The following HECW2 variants were observed in gnomAD, a reference collection of about 807,000 sequenced individuals.
The protein encoded by HECW2 is HECT, C2 and WW domain containing E3 ubiquitin protein ligase 2.
Under a neutral mutation model 175.2 loss-of-function variants are expected in HECW2, and 61 were observed. That is an observed-to-expected ratio of 0.35 (90% CI 0.28 to 0.43). The LOEUF (loss-of-function observed/expected upper bound fraction) is 0.43, where lower values mean the gene tolerates loss of function less well. HECW2 is among the 20% of genes least tolerant of loss of function. The pLI is 1.00. For synonymous variants in HECW2, 671 were observed against 731.0 expected, an observed-to-expected ratio of 0.92 and a Z score of 1.32; for missense variants, 1,524 against 2,000.5, an observed-to-expected ratio of 0.76 and a Z score of 4.54.
intron 2 of HECW2, among the ~76,000 whole-genome samples, chr2:196,353,853 A>G (rs974390513): frequency 1.3e-5 from 2 of 152,180 alleles, no homozygotes; most frequent in African/African-American, 4.8e-5. Flanking sequence ...ACTGGCAGAG[A>G]CAACCTGACT....
intron 19 of HECW2, among the ~76,000 whole-genome samples, chr2:196,247,567 C>G (rs914224739): frequency 6.6e-6 from 1 of 152,148 alleles, no homozygotes; most frequent in Admixed American, 6.5e-5. Context: ...TTTGCTAATA[C>G]TGTGCAGGAA....
chr2:196,470,984 C>T (rs537652962), intron 1 of HECW2, among the ~76,000 whole-genome samples: 2 of 148,708 alleles, frequency 1.3e-5, no homozygotes, highest in South Asian at 4.3e-4. Context: ...AGCCACAATG[C>T]GATATTATTT....
At chr2:196,266,565 C>T (rs901406043) in intron 17 of HECW2, among the ~76,000 whole-genome samples, 1 of 152,096 alleles carries the variant, frequency 6.6e-6, no homozygotes, top group Non-Finnish European at 1.5e-5. Context: ...CAGGAAAATG[C>T]ATATGGATCA....
chr2:196,390,600 T>C (rs1694477280), intron 2 of HECW2, among the ~76,000 whole-genome samples: 1 of 152,164 alleles, frequency 6.6e-6, no homozygotes, highest in African/African-American at 2.4e-5. Flanking sequence ...CATAATGTGG[T>C]AGAGAAAGTA....
chr2:196,389,946 A>C (rs1694458146), intron 2 of HECW2, among the ~76,000 whole-genome samples: 1 of 152,132 alleles, frequency 6.6e-6, no homozygotes, highest in African/African-American at 2.4e-5. Context: ...ACTCATGCTA[A>C]GCTTCCACAG....
At chr2:196,555,058 C>A (rs1559173507) in intron 1 of HECW2, among the ~76,000 whole-genome samples, 1 of 152,026 alleles carries the variant, frequency 6.6e-6, no homozygotes, top group Non-Finnish European at 1.5e-5. Flanking sequence ...AATACAGACA[C>A]TGAGAATAAG....
intron 1 of HECW2, among the ~76,000 whole-genome samples, chr2:196,439,149 G>C (rs1391898337): frequency 1.3e-5 from 2 of 152,154 alleles, no homozygotes; most frequent in African/African-American, 4.8e-5. Flanking sequence ...GTTGTTTTAA[G>C]GATTGAAATA....
chr2:196,384,902 G>T (rs1228538539), intron 2 of HECW2, among the ~76,000 whole-genome samples: 10 of 151,940 alleles, frequency 6.6e-5, no homozygotes, highest in Admixed American at 5.9e-4. Flanking sequence ...CCTGTTAGAT[G>T]GTTTCTTTTT....
intron 1 of HECW2, among the ~76,000 whole-genome samples, chr2:196,577,115 TATTTGAATCTCAGAA>T (rs1690589815): frequency 2.0e-5 from 3 of 152,198 alleles, no homozygotes; most frequent in Admixed American, 1.3e-4. Context: ...ATTAGGGACA[TATTTGAATCTCAGAA>T]TCAGTATTTA....
At chr2:196,297,418 G>A (rs575075992) in intron 13 of HECW2, among the ~76,000 whole-genome samples, 14 of 152,284 alleles carry the variant, frequency 9.2e-5, no homozygotes, top group African/African-American at 2.6e-4. Flanking sequence ...GTTTGTTTGA[G>A]GTTGTAGAAG....
At chr2:196,215,427 T>G (rs1687440540) in intron 28 of HECW2, among the ~76,000 whole-genome samples, 1 of 152,212 alleles carries the variant, frequency 6.6e-6, no homozygotes, top group Admixed American at 6.5e-5. Context: ...GAGCATGGAA[T>G]TAAGACATGT....
At chr2:196,413,292 T>C (rs1004007289) in intron 2 of HECW2, among the ~76,000 whole-genome samples, 1 of 151,916 alleles carries the variant, frequency 6.6e-6, no homozygotes, top group Non-Finnish European at 1.5e-5. Flanking sequence ...GAGCGTGAGG[T>C]AACAGTGAGC....
intron 17 of HECW2, among the ~76,000 whole-genome samples, chr2:196,260,892 T>C (rs1689263254): frequency 6.6e-6 from 1 of 152,254 alleles, no homozygotes; most frequent in East Asian, 1.9e-4. Context: ...TTTTTAAATT[T>C]TGTGTCTTCA....
At chr2:196,543,900 T>C (rs1241283268) in intron 1 of HECW2, among the ~76,000 whole-genome samples, 1 of 151,984 alleles carries the variant, frequency 6.6e-6, no homozygotes, top group Non-Finnish European at 1.5e-5. Flanking sequence ...GCGTGAGCCA[T>C]TGCACCCAGC....
intron 10 of HECW2, among the ~76,000 whole-genome samples, chr2:196,313,120 T>G (rs1325212243): frequency 2.0e-5 from 3 of 152,140 alleles, no homozygotes; most frequent in African/African-American, 7.2e-5. Flanking sequence ...ACTACCATTT[T>G]GGGGGAAAAA....
intron 19 of HECW2, among the ~76,000 whole-genome samples, 171 bp downstream of exon 19, chr2:196,253,749 C>T (rs1358405010): frequency 2.0e-5 from 3 of 152,114 alleles, no homozygotes; most frequent in Non-Finnish European, 2.9e-5. Flanking sequence ...AAAATGAATC[C>T]TCATGGAAAT....
chr2:196,206,086 T>A (rs1386667145), intron 28 of HECW2, among the ~76,000 whole-genome samples: 1 of 152,202 alleles, frequency 6.6e-6, no homozygotes, highest in Non-Finnish European at 1.5e-5. Flanking sequence ...AAGAAAACTT[T>A]AGCAGAAAAT....
intron 1 of HECW2, among the ~76,000 whole-genome samples, chr2:196,506,524 C>T (rs1419144823): frequency 6.6e-6 from 1 of 152,100 alleles, no homozygotes; most frequent in African/African-American, 2.4e-5. Context: ...CCTTTTCTAG[C>T]ATGAGCATGC....
At chr2:196,299,150 T>C (rs10804073) in intron 13 of HECW2, among the ~76,000 whole-genome samples, 151,991 of 152,294 alleles carry the variant, frequency 1, 75,845 homozygotes, top group Middle Eastern at 1. Context: ...TGTATAAATG[T>C]ACAGCATGGA....
Sources: allele counts gnomAD v4.1 joint callset (sites outside exome capture counted in the v4.1 genomes callset), GRCh38; gene constraint gnomAD v4.1.1; transcripts MANE v1.5; gene names NCBI Gene and HGNC (gene_info 2026-07-23, HGNC 2026-07-21).